The following DLG2 variants were observed in gnomAD, a reference collection of about 807,000 sequenced individuals.
DLG2 encodes the protein discs large MAGUK scaffold protein 2.
Under a neutral mutation model 132.5 loss-of-function variants are expected in DLG2, and 45 were observed. That is an observed-to-expected ratio of 0.34 (90% CI 0.27 to 0.44). The LOEUF (loss-of-function observed/expected upper bound fraction) is 0.44, where lower values mean the gene tolerates loss of function less well. Among genes scored for constraint, DLG2 ranks in the 20% least tolerant of loss-of-function variants. DLG2 has a pLI of 1.00. For missense variants in DLG2, 1,045 were observed against 1,196.9 expected, an observed-to-expected ratio of 0.87 and a Z score of 1.87; for synonymous variants, 424 against 419.6, an observed-to-expected ratio of 1.01 and a Z score of -0.13.
intron 6 of DLG2, among the ~76,000 whole-genome samples, chr11:84,926,287 G>A (rs1435001378): frequency 6.6e-6 from 1 of 151,872 alleles, no homozygotes; most frequent in Non-Finnish European, 1.5e-5. Flanking sequence ...AAGGTAGTTT[G>A]GAATTATCTA....
chr11:84,926,628 A>T (rs2092988991), intron 6 of DLG2, among the ~76,000 whole-genome samples: 1 of 151,682 alleles, frequency 6.6e-6, no homozygotes, highest in African/African-American at 2.4e-5. Flanking sequence ...AAATTTTAAC[A>T]GTGTTGCTAT....
chr11:84,164,937 T>A (rs2095628127), intron 8 of DLG2, among the ~76,000 whole-genome samples: 1 of 152,220 alleles, frequency 6.6e-6, no homozygotes, highest in East Asian at 1.9e-4. Flanking sequence ...GACTTGATGA[T>A]GTCAGAAAGC....
At chr11:84,793,827 G>A (rs566488885) in intron 6 of DLG2, among the ~76,000 whole-genome samples, 14 of 152,276 alleles carry the variant, frequency 9.2e-5, no homozygotes, top group East Asian at 7.7e-4. Context: ...ACAGATAAAT[G>A]AGTCTTGCTT....
intron 18 of DLG2, among the ~76,000 whole-genome samples, chr11:83,699,392 A>G (rs1485720536): frequency 6.6e-6 from 1 of 152,104 alleles, no homozygotes; most frequent in East Asian, 1.9e-4. Context: ...AAGACACATC[A>G]TTAAGTAAAA....
chr11:85,075,546 C>CA (rs1376052251), intron 6 of DLG2, among the ~76,000 whole-genome samples: 2 of 151,690 alleles, frequency 1.3e-5, no homozygotes, highest in Admixed American at 6.6e-5. Flanking sequence ...AAGCAAATTT[C>CA]AAAAAACCCC....
At chr11:84,094,306 G>T (rs1255204955) in intron 10 of DLG2, among the ~76,000 whole-genome samples, 18 of 152,112 alleles carry the variant, frequency 1.2e-4, no homozygotes. Flanking sequence ...GCCAGAAAAT[G>T]ACTTGGCACA....
intron 20 of DLG2, among the ~76,000 whole-genome samples, chr11:83,534,637 T>C (rs2095838428): frequency 1.3e-5 from 2 of 152,148 alleles, no homozygotes; most frequent in Non-Finnish European, 2.9e-5. Flanking sequence ...TAACGTAATA[T>C]ATTAAAACAA....
chr11:83,802,720 A>C (rs1212422712), intron 17 of DLG2, among the ~76,000 whole-genome samples: 2 of 152,192 alleles, frequency 1.3e-5, no homozygotes, highest in Admixed American at 1.3e-4. Context: ...GAAACTAAAA[A>C]AAAGTCATTA....
intron 18 of DLG2, among the ~76,000 whole-genome samples, chr11:83,746,969 T>C (rs912735635): frequency 6.6e-6 from 1 of 152,192 alleles, no homozygotes; most frequent in South Asian, 2.1e-4. Flanking sequence ...TCTCTTACCT[T>C]TGTATGTATG....
At chr11:84,169,374 A>G (rs7106663) in intron 8 of DLG2, among the ~76,000 whole-genome samples, 3,046 of 152,332 alleles carry the variant, frequency 0.02, 92 homozygotes, top group African/African-American at 0.069. Flanking sequence ...TATAAGGGTC[A>G]CAAAATTTGT....
At chr11:83,891,731 G>A (rs1201742235) in intron 15 of DLG2, among the ~76,000 whole-genome samples, 2 of 152,134 alleles carry the variant, frequency 1.3e-5, no homozygotes, top group South Asian at 2.1e-4. Context: ...CATGGCAACC[G>A]AGTGTGGGTT....
rs75762700 is a variant in DLG2, at chr11:84,746,791, G to T, written c.358-212060C>A. Reference sequence around the variant, plus strand: ...CTAAGGTCATTATTCTAAAGAGTTCGGGCCCACTTCCCTGCCAATCTTTTG... The same window carrying T: ...CTAAGGTCATTATTCTAAAGAGTTCTGGCCCACTTCCCTGCCAATCTTTTG... On this transcript the variant is annotated intron_variant, in intron 6 of 27. Coordinates refer to ENST00000376104, the MANE Select transcript of DLG2 (RefSeq NM_001142699.3). Among the ~76,000 whole-genome samples the T allele has an allele frequency of 2.4e-3, 370 of 152,144 alleles. 3 individuals are homozygous for T. The highest frequency in any genetic ancestry group is 8.3e-3 in the African/African-American group (344 of 41,508).
chr11:84,454,793 A>G (rs2099061033), intron 7 of DLG2, among the ~76,000 whole-genome samples: 2 of 151,470 alleles, frequency 1.3e-5, no homozygotes, highest in South Asian at 2.1e-4. Flanking sequence ...AAACAAATTT[A>G]TAGTGACAGA....
At chr11:85,362,776 G>A (rs1410805449) in intron 3 of DLG2, among the ~76,000 whole-genome samples, 3 of 151,216 alleles carry the variant, frequency 2.0e-5, no homozygotes, top group Admixed American at 6.6e-5. Context: ...TGAAATTATT[G>A]AATAAATGAA....
At chr11:83,486,992 T>C (rs2137798149) in intron 21 of DLG2, among the ~76,000 whole-genome samples, 1 of 152,190 alleles carries the variant, frequency 6.6e-6, no homozygotes. Context: ...TTTTTTCTTT[T>C]AATATAGAAA....
intron 5 of DLG2, among the ~76,000 whole-genome samples, chr11:85,125,134 C>G (rs990110423): frequency 1.3e-5 from 2 of 152,130 alleles, no homozygotes; most frequent in Non-Finnish European, 2.9e-5. Context: ...CCAGCCTGAG[C>G]GCAGTAAATG....
At chr11:84,386,426 A>G (rs1177133394) in intron 7 of DLG2, among the ~76,000 whole-genome samples, 1 of 152,196 alleles carries the variant, frequency 6.6e-6, no homozygotes, top group South Asian at 2.1e-4. Flanking sequence ...TCAATATTTG[A>G]CAGTCTTCCT....
chr11:84,750,358 T>C (rs1241046506), intron 6 of DLG2, among the ~76,000 whole-genome samples: 3 of 152,132 alleles, frequency 2.0e-5, no homozygotes, highest in Admixed American at 1.3e-4. Flanking sequence ...GATTTCTGTA[T>C]GTACAATGAG....
intron 6 of DLG2, among the ~76,000 whole-genome samples, chr11:84,560,239 T>G (rs1024765058): frequency 6.6e-6 from 1 of 152,132 alleles, no homozygotes; most frequent in African/African-American, 2.4e-5. Context: ...ATGAAGCAAC[T>G]TAAGTCAGCT....
Sources: gnomAD v4.1 joint callset for allele counts (sites outside exome capture counted in the v4.1 genomes callset) on GRCh38, gnomAD v4.1.1 for gene constraint, MANE v1.5 for transcripts, NCBI Gene and HGNC (gene_info 2026-07-23, HGNC 2026-07-21) for gene names.